Variants in TMEM156 observed in about 807,000 individuals in gnomAD.
TMEM156 encodes transmembrane protein 156.
TMEM156 carries 28 observed loss-of-function variants against 30.5 expected under a neutral mutation model. That is an observed-to-expected ratio of 0.92 (90% CI 0.68 to 1.26). The LOEUF (loss-of-function observed/expected upper bound fraction) is 1.26, where lower values mean the gene tolerates loss of function less well. TMEM156 is among the 50% of genes most tolerant of loss of function. The pLI, the probability that TMEM156 is intolerant of heterozygous loss-of-function variation, is 0.00. For missense variants in TMEM156, 351 were observed against 340.6 expected, an observed-to-expected ratio of 1.03 and a Z score of -0.24; for synonymous variants, 137 against 119.9, an observed-to-expected ratio of 1.14 and a Z score of -0.93.
chr4:39,017,108 A>G (rs1714540776), intron 1 of TMEM156, among the ~76,000 whole-genome samples: 1 of 150,918 alleles, frequency 6.6e-6, no homozygotes, highest in African/African-American at 2.4e-5. Context: ...AGTGGGAATT[A>G]TTACAATTGA....
chr4:38,991,333 C>A (rs1712448015), intron 3 of TMEM156, among the ~76,000 whole-genome samples: 1 of 151,384 alleles, frequency 6.6e-6, no homozygotes, highest in African/African-American at 2.4e-5. Context: ...AAGCAGTCCT[C>A]CTGCCTCAGT....
intron 1 of TMEM156, 83 bp downstream of exon 1, chr4:39,032,143 A>C: frequency 1.2e-6 from 1 of 848,580 alleles, no homozygotes; most frequent in Non-Finnish European, 1.9e-6. Context: ...TGTGTCCAAA[A>C]AGAGGATCTT....
intron 1 of TMEM156, among the ~76,000 whole-genome samples, chr4:39,027,769 T>C (rs1715297556): frequency 6.7e-6 from 1 of 149,212 alleles, no homozygotes; most frequent in Non-Finnish European, 1.5e-5. Context: ...TTTTTTTTTT[T>C]TTTTTGAGAA....
chr4:38,971,951 G>A (rs191104094), intron 5 of TMEM156, among the ~76,000 whole-genome samples: 161 of 151,808 alleles, frequency 1.1e-3, no homozygotes, highest in Non-Finnish European at 1.8e-3. Context: ...CACCATGCCC[G>A]GCTAATTTTG....
Position 38,990,774 on chromosome 4 carries a change from C to T in TMEM156, c.620-1804G>A, listed in dbSNP as rs111263892. ...CCCTGATGGAGAAGGCTTTTACTCC[C>T]ACCAAAGTACAAAGTTGGTTGTTGC... On this transcript the variant is annotated intron_variant, in intron 3 of 6. Coordinates refer to ENST00000381938, the MANE Select transcript of TMEM156 (RefSeq NM_024943.3). Among the ~76,000 whole-genome samples, 1,104 of 151,624 alleles carry T rather than the reference C, an allele frequency of 7.3e-3. 14 individuals are homozygous for T. The highest frequency in any genetic ancestry group is 0.025 in the African/African-American group (1,047 of 41,312).
chr4:38,969,870 G>A lies in TMEM156; in HGVS notation c.*38+1162C>T, dbSNP rs1192330004. On this transcript the variant is annotated intron_variant, in intron 6 of 6. Coordinates refer to ENST00000381938, the MANE Select transcript of TMEM156 (RefSeq NM_024943.3). ...AGCCTCCCAAAGTGCTGGGATTACA[G>A]ATGTGAGCCACCACACCCTGAGGTG... is the stretch of plus-strand genomic sequence containing the variant. Among the ~76,000 whole-genome samples the A allele has an allele frequency of 3.3e-5, 5 of 152,210 alleles. No individual in the cohort carries two copies. The East Asian group carries it at 5.8e-4, about 18-fold the overall frequency.
At chr4:38,999,110 A>ATTTTTTTTTTTTTTTTT (rs34889728) in intron 1 of TMEM156, among the ~76,000 whole-genome samples, 12 of 106,092 alleles carry the variant, frequency 1.1e-4, no homozygotes, top group Non-Finnish European at 2.1e-4. Context: ...TTATTTATTT[A>ATTTTTTTTTTTTTTTTT]TTTTTTTTTT....
chr4:39,013,325 G>A (rs1180861205), intron 1 of TMEM156, among the ~76,000 whole-genome samples: 119 of 147,678 alleles, frequency 8.1e-4, no homozygotes, highest in African/African-American at 2.9e-3. Context: ...AAAAAAGAAA[G>A]AAAGAAAAAG....
chr4:38,993,373 A>C (rs2109955651), intron 3 of TMEM156, among the ~76,000 whole-genome samples: 1 of 152,048 alleles, frequency 6.6e-6, no homozygotes, highest in Non-Finnish European at 1.5e-5. Flanking sequence ...TCAAGGCTGC[A>C]GTGAGCAGTG....
Position 39,001,974 on chromosome 4 carries a change from C to T in TMEM156, c.89-3065G>A, listed in dbSNP as rs1232045109. Among the ~76,000 whole-genome samples, 16 of 136,318 alleles carry T rather than the reference C, an allele frequency of 1.2e-4. No homozygotes were observed. In the South Asian group the frequency reaches 4.1e-3, roughly 35 times the overall value. 89.4% of individuals were successfully genotyped at this position (136,318 alleles called of 152,430 possible). ...TTACCATTCAGGAAATAGGCATGGG[C>T]AAGGACTTCATGTCTAAAACACCAA... is the stretch of plus-strand genomic sequence containing the variant. On this transcript the variant is annotated intron_variant, in intron 1 of 6. Transcript: ENST00000381938.
intron 1 of TMEM156, among the ~76,000 whole-genome samples, chr4:39,009,687 A>T (rs1713981951): frequency 6.6e-6 from 1 of 152,300 alleles, no homozygotes; most frequent in East Asian, 1.9e-4. Context: ...GCATTCAATA[A>T]AATCCAACAT....
intron 3 of TMEM156, among the ~76,000 whole-genome samples, chr4:38,991,316 C>G (rs530869833): frequency 1.3e-5 from 2 of 151,368 alleles, no homozygotes; most frequent in African/African-American, 4.8e-5. Flanking sequence ...CTTGTCTTCC[C>G]TATCTCAAGC....
At chr4:38,991,441 G>A (rs959326835) in intron 3 of TMEM156, among the ~76,000 whole-genome samples, 14 of 151,254 alleles carry the variant, frequency 9.3e-5, no homozygotes, top group African/African-American at 1.7e-4. Flanking sequence ...AGCTAGTCTC[G>A]AACTCCTGTG....
At chr4:38,986,862 A>C (rs1712038596) in intron 4 of TMEM156, among the ~76,000 whole-genome samples, 1 of 137,046 alleles carries the variant, frequency 7.3e-6, no homozygotes, top group African/African-American at 2.7e-5. Context: ...GGAAAGCGAC[A>C]GCTCTTATAC....
Position 39,022,740 on chromosome 4 carries a change from T to C in TMEM156, c.88+9486A>G, listed in dbSNP as rs143762117. On this transcript the variant is annotated intron_variant, in intron 1 of 6. Transcript: ENST00000381938. Reference sequence around the variant, plus strand: ...ATTAAAATCTTCATTATTTGACAGATAGTAGGCACACCAGAGGCTACTCTA... The same window carrying C: ...ATTAAAATCTTCATTATTTGACAGACAGTAGGCACACCAGAGGCTACTCTA... Among the ~76,000 whole-genome samples, 593 of 152,316 alleles carry C rather than the reference T, an allele frequency of 3.9e-3. 3 individuals are homozygous for C. Among genetic ancestry groups the C allele is most frequent in the African/African-American group, 0.013 (525 of 41,566 alleles).
At chr4:39,019,545 G>C (rs377695617) in intron 1 of TMEM156, among the ~76,000 whole-genome samples, 64 of 152,184 alleles carry the variant, frequency 4.2e-4, no homozygotes, top group African/African-American at 1.4e-3. Flanking sequence ...AAACGACTCT[G>C]TTTGTCCTCC....
chr4:39,006,399 T>G (rs1713740049), intron 1 of TMEM156, among the ~76,000 whole-genome samples: 2 of 152,158 alleles, frequency 1.3e-5, no homozygotes, highest in Non-Finnish European at 1.5e-5. Context: ...TTCAATGAAT[T>G]CTCTACATTT....
chr4:38,968,663 GACTAC>G (rs1281840990), intron 6 of TMEM156, among the ~76,000 whole-genome samples: 1 of 152,196 alleles, frequency 6.6e-6, no homozygotes, highest in Non-Finnish European at 1.5e-5. Context: ...ACAATCATAT[GACTAC>G]ACTATATGCT....
At chr4:38,993,439 C>A (rs1186933658) in intron 3 of TMEM156, among the ~76,000 whole-genome samples, 2 of 147,230 alleles carry the variant, frequency 1.4e-5, no homozygotes, top group African/African-American at 4.9e-5. Flanking sequence ...CTCAAACAAC[C>A]ACCACCACCC....
Sources: allele counts gnomAD v4.1 joint callset (sites outside exome capture counted in the v4.1 genomes callset), GRCh38; gene constraint gnomAD v4.1.1; transcripts MANE v1.5; gene names NCBI Gene and HGNC (gene_info 2026-07-23, HGNC 2026-07-21).